Variants in PCDH9 observed in about 807,000 individuals in gnomAD.
PCDH9 encodes protocadherin 9, also known as protocadherin-9.
PCDH9 carries 24 observed loss-of-function variants against 70.6 expected under a neutral mutation model. The ratio of observed to expected loss-of-function variants is 0.34; its 90% confidence interval spans 0.25 to 0.48. The LOEUF (loss-of-function observed/expected upper bound fraction) is 0.48, where lower values mean the gene tolerates loss of function less well. Ranked by LOEUF, PCDH9 falls within the 20% of genes least tolerant of loss-of-function variation. PCDH9 has a pLI of 0.99. For missense variants in PCDH9, 1,281 were observed against 1,503.6 expected, an observed-to-expected ratio of 0.85 and a Z score of 2.45; for synonymous variants, 562 against 558.5, an observed-to-expected ratio of 1.01 and a Z score of -0.09.
At chr13:66,620,680 C>A (rs1164093000) in intron 4 of PCDH9, among the ~76,000 whole-genome samples, 1 of 151,964 alleles carries the variant, frequency 6.6e-6, no homozygotes, top group African/African-American at 2.4e-5. Context: ...TTCTCTCCTA[C>A]AAAAATCAGT....
intron 3 of PCDH9, among the ~76,000 whole-genome samples, chr13:66,787,484 C>T (rs1274898434): frequency 1.3e-5 from 2 of 151,768 alleles, no homozygotes; most frequent in Non-Finnish European, 2.9e-5. Flanking sequence ...GGCATGGTAG[C>T]GGGTACCTTT....
At chr13:66,878,265 C>T (rs999202343) in intron 3 of PCDH9, among the ~76,000 whole-genome samples, 2 of 151,724 alleles carry the variant, frequency 1.3e-5, no homozygotes, top group Admixed American at 6.6e-5. Flanking sequence ...CTCATTCTGT[C>T]GCCCAGGCTG....
At chr13:66,814,318 TC>T (rs2080563434) in intron 3 of PCDH9, among the ~76,000 whole-genome samples, 1 of 152,116 alleles carries the variant, frequency 6.6e-6, no homozygotes, top group South Asian at 2.1e-4. Flanking sequence ...TTTTTTATTT[TC>T]CCCTTATAAT....
intron 2 of PCDH9, among the ~76,000 whole-genome samples, chr13:67,188,403 A>T (rs2088816830): frequency 1.3e-5 from 2 of 152,242 alleles, no homozygotes; most frequent in East Asian, 3.9e-4. Flanking sequence ...TTATCTTGAC[A>T]ATGCTTTTAT....
intron 3 of PCDH9, among the ~76,000 whole-genome samples, chr13:66,856,676 T>C (rs2081400646): frequency 6.6e-6 from 1 of 152,042 alleles, no homozygotes; most frequent in Non-Finnish European, 1.5e-5. Flanking sequence ...CACAAATTAG[T>C]AGGCGATGTA....
At chr13:67,084,997 A>AATATATATATATATATATATATATAT (rs763373225) in intron 2 of PCDH9, among the ~76,000 whole-genome samples, 5 of 33,196 alleles carry the variant, frequency 1.5e-4, no homozygotes, top group South Asian at 1.5e-3. Context: ...AAAAAAAAAA[A>AATATATATATATATATATATATATAT]ATATATATAT....
chr13:66,930,907 G>C (rs759159259), intron 2 of PCDH9, among the ~76,000 whole-genome samples: 1 of 152,042 alleles, frequency 6.6e-6, no homozygotes, highest in Non-Finnish European at 1.5e-5. Flanking sequence ...ACATACAAGT[G>C]GTGAAAGGAA....
intron 2 of PCDH9, among the ~76,000 whole-genome samples, chr13:67,093,333 T>C (rs1566420153): frequency 6.6e-6 from 1 of 151,954 alleles, no homozygotes; most frequent in Non-Finnish European, 1.5e-5. Context: ...TGGGCTTCTG[T>C]ATCCCAGCTA....
chr13:66,464,471 C>T (rs1207042240), intron 4 of PCDH9, among the ~76,000 whole-genome samples: 1 of 151,876 alleles, frequency 6.6e-6, no homozygotes, highest in Non-Finnish European at 1.5e-5. Flanking sequence ...TATGAGAGAA[C>T]CAGTGTTCTA....
intron 4 of PCDH9, among the ~76,000 whole-genome samples, chr13:66,455,374 T>A (rs1327778875): frequency 6.6e-6 from 1 of 151,898 alleles, no homozygotes; most frequent in Non-Finnish European, 1.5e-5. Flanking sequence ...TATAACAATA[T>A]TCTCATAATA....
intron 4 of PCDH9, among the ~76,000 whole-genome samples, chr13:66,334,478 A>AC (rs1304195959): frequency 6.6e-6 from 1 of 151,886 alleles, no homozygotes; most frequent in Non-Finnish European, 1.5e-5. Flanking sequence ...AATGATGGAG[A>AC]CCCCCAACAG....
At chr13:66,909,512 G>A (rs1400192240) in intron 2 of PCDH9, among the ~76,000 whole-genome samples, 1 of 152,130 alleles carries the variant, frequency 6.6e-6, no homozygotes, top group Non-Finnish European at 1.5e-5. Flanking sequence ...GCTCACGCCT[G>A]TAATCCCAGC....
At chr13:66,442,129 C>T (rs912526177) in intron 4 of PCDH9, among the ~76,000 whole-genome samples, 4 of 152,140 alleles carry the variant, frequency 2.6e-5, no homozygotes, top group Non-Finnish European at 5.9e-5. Flanking sequence ...GAGTTCTTGT[C>T]CAGTGCACAA....
At chr13:67,110,980 T>C (rs2086648443) in intron 2 of PCDH9, among the ~76,000 whole-genome samples, 1 of 152,218 alleles carries the variant, frequency 6.6e-6, no homozygotes. Context: ...ATGCCTTCTA[T>C]ATTCCTAGCA....
chr13:66,941,177 G>T (rs2139682817), intron 2 of PCDH9, among the ~76,000 whole-genome samples: 1 of 151,574 alleles, frequency 6.6e-6, no homozygotes, highest in South Asian at 2.1e-4. Context: ...ATATATGAAT[G>T]GATATAGTAT....
chr13:66,397,707 T>C (rs1957126912), intron 4 of PCDH9, among the ~76,000 whole-genome samples: 1 of 151,716 alleles, frequency 6.6e-6, no homozygotes, highest in Non-Finnish European at 1.5e-5. Flanking sequence ...TTCCATATGT[T>C]CCATGTTATC....
chr13:66,857,864 A>G (rs897760717), intron 3 of PCDH9, among the ~76,000 whole-genome samples: 11 of 152,134 alleles, frequency 7.2e-5, no homozygotes, highest in African/African-American at 2.7e-4. Flanking sequence ...TCATAGACAT[A>G]CTGATATTAT....
At chr13:66,926,484 C>T (rs1013498190) in intron 2 of PCDH9, among the ~76,000 whole-genome samples, 5 of 152,116 alleles carry the variant, frequency 3.3e-5, no homozygotes, top group Admixed American at 6.6e-5. Flanking sequence ...TGTGGATTAA[C>T]GTTTCTATTG....
At chr13:67,003,739 T>C (rs750810674) in intron 2 of PCDH9, among the ~76,000 whole-genome samples, 5 of 152,250 alleles carry the variant, frequency 3.3e-5, no homozygotes, top group Admixed American at 6.5e-5. Context: ...ACACTCAAGA[T>C]GTTTTACTCT....
Sources: gnomAD v4.1 joint callset for allele counts (sites outside exome capture counted in the v4.1 genomes callset) on GRCh38, gnomAD v4.1.1 for gene constraint, MANE v1.5 for transcripts, NCBI Gene and HGNC (gene_info 2026-07-23, HGNC 2026-07-21) for gene names.